The following FAM227A variants were observed in gnomAD, a reference collection of about 807,000 sequenced individuals.
The protein encoded by FAM227A is protein FAM227A.
In FAM227A, 80 loss-of-function variants were observed where a neutral mutation model predicts 74.7. The observed-to-expected ratio is 1.07, with a 90% confidence interval of 0.89 to 1.29. The LOEUF (loss-of-function observed/expected upper bound fraction) is 1.29. FAM227A is among the 50% of genes most tolerant of loss of function. The pLI is 0.00. For synonymous variants in FAM227A, 237 were observed against 241.8 expected (o/e 0.98, Z 0.19); for missense variants, 654 against 683.4 (o/e 0.96, Z 0.48).
intron 3 of FAM227A, 61 bp downstream of exon 3, chr22:38,645,502 A>T: frequency 8.9e-7 from 1 of 1,122,194 alleles, no homozygotes; most frequent in Non-Finnish European, 1.3e-6. Flanking sequence ...CAACACCTTG[A>T]TGATCCCCGG....
intron 15 of FAM227A, among the ~76,000 whole-genome samples, chr22:38,595,030 G>A (rs1206261862): frequency 2.0e-5 from 3 of 152,138 alleles, no homozygotes; most frequent in Admixed American, 6.6e-5. Flanking sequence ...CCTGGGGGAC[G>A]GAGGTTGCAG....
intron 7 of FAM227A, 149 bp downstream of exon 7, chr22:38,628,685 C>A: frequency 1.5e-6 from 1 of 659,638 alleles, no homozygotes; most frequent in Non-Finnish European, 2.7e-6. Flanking sequence ...GTGGCTGAGG[C>A]ATGGGACGGG....
intron 1 of FAM227A, 93 bp from the exon 2 acceptor site, chr22:38,650,355 A>G: frequency 1.7e-6 from 1 of 598,420 alleles, no homozygotes; most frequent in Non-Finnish European, 2.9e-6. Context: ...ATGGCAAAGC[A>G]CATGTCCCAT....
chr22:38,640,927 G>T (rs190384671), intron 3 of FAM227A, among the ~76,000 whole-genome samples: 3 of 152,032 alleles, frequency 2.0e-5, no homozygotes, highest in South Asian at 2.1e-4. Flanking sequence ...TGCCAGTGGT[G>T]GGGGGGCGGT....
chr22:38,608,768 A>G (rs1012999924), intron 11 of FAM227A, among the ~76,000 whole-genome samples: 25 of 147,716 alleles, frequency 1.7e-4, no homozygotes, highest in African/African-American at 5.8e-4. Context: ...TCCAGCTTTC[A>G]TAAGATAAAA....
At position 38,582,972 on chromosome 22, in the gene FAM227A, G is replaced by A; in HGVS notation, c.*3153C>T. On this transcript the variant is annotated 3_prime_UTR_variant, in exon 17 of 17. Transcript: ENST00000535113. The stretch of plus-strand genomic sequence containing the variant: ...GGCAGTTAACAAAGAGGAGGGAGGA[G>A]AAGGCATTTTCAGGTCCAGAAGCAG... 2 of 1,545,630 alleles carry A rather than the reference G, an allele frequency of 1.3e-6. No individual in the cohort carries two copies. Among genetic ancestry groups the A allele is most frequent in the Non-Finnish European group, 1.8e-6 (2 of 1,142,778 alleles).
rs528443744 is a variant in FAM227A, at chr22:38,595,869, T to C, written c.1532+1335A>G. On this transcript the variant is annotated intron_variant, in intron 15 of 16. Transcript: ENST00000535113. ...TCCAGTGTACAGAAAACATAGGCTA[T>C]ATTGGAACAAATTCAATGCTACTTT... Among the ~76,000 whole-genome samples, 13 of 151,626 alleles carry C rather than the reference T, an allele frequency of 8.6e-5. 1 individual carries two copies. In the South Asian group the frequency reaches 2.7e-3, roughly 32 times the overall value.
At chr22:38,621,816 C>T (rs897298117) in intron 10 of FAM227A, among the ~76,000 whole-genome samples, 6 of 152,112 alleles carry the variant, frequency 3.9e-5, no homozygotes, top group African/African-American at 1.4e-4. Context: ...TGCTGCAGGT[C>T]CTTGGACCAA....
At chr22:38,646,244 ATTTCTTTTTTTTT>A (rs2092233322) in intron 2 of FAM227A, among the ~76,000 whole-genome samples, 1 of 89,694 alleles carries the variant, frequency 1.1e-5, no homozygotes, top group East Asian at 3.4e-4. Context: ...TCCTTCCAGT[ATTTCTTTTTTTTT>A]TTTTTTTTTT....
At position 38,605,906 on chromosome 22, in the gene FAM227A, G is replaced by A. The variant is rs561111927; in HGVS notation, c.1127-558C>T. On this transcript the variant is annotated intron_variant, in intron 12 of 16. Coordinates refer to ENST00000535113, the MANE Select transcript of FAM227A (RefSeq NM_001013647.2). ...ATTTCTCCCTCAAAAAAATAATAAA[G>A]TTTAAATAACAATAATGATGTGAAA... 2.7e-3 allele frequency among the ~76,000 whole-genome samples: 406 copies of A among 152,146 alleles called. 2 individuals are homozygous for A. The highest frequency in any genetic ancestry group is 9.5e-3 in the African/African-American group (392 of 41,478).
chr22:38,599,426 G>A (rs1206542744), intron 14 of FAM227A, among the ~76,000 whole-genome samples: 1 of 152,122 alleles, frequency 6.6e-6, no homozygotes, highest in Non-Finnish European at 1.5e-5. Context: ...ACATACTCTG[G>A]GGTCAACGAG....
At chr22:38,591,246 C>T in intron 16 of FAM227A, 189 bp downstream of exon 16, 5 of 1,157,290 alleles carry the variant, frequency 4.3e-6, no homozygotes, top group Non-Finnish European at 5.6e-6. Flanking sequence ...ATTGCTTGAG[C>T]CCAGGAGGTG....
chr22:38,610,185 A>C (rs1249737200), intron 11 of FAM227A, among the ~76,000 whole-genome samples: 1 of 151,490 alleles, frequency 6.6e-6, no homozygotes, highest in Non-Finnish European at 1.5e-5. Flanking sequence ...GGCTAATTTA[A>C]AAAAAAATTT....
rs35393303 is a variant in FAM227A at position 38,608,793 on chromosome 22, CTTTTT to C, written c.1039-1322_1039-1318del. On this transcript the variant is annotated intron_variant, in intron 11 of 16. Transcript: ENST00000535113. ...ATAAGATAAAATAAGACCCTTGTTC[CTTTTT>C]TTTTTTTTTTTTTTTTGAGATGGAG... 3.9e-3 allele frequency among the ~76,000 whole-genome samples: 379 copies of C among 97,056 alleles called. 2 individuals are homozygous for C. Among genetic ancestry groups the C allele is most frequent in the African/African-American group, 0.018 (365 of 20,482 alleles). The allele number at this position is 97,056 out of a possible 152,430, so 63.7% of individuals were successfully genotyped here.
At chr22:38,644,314 AAAAAG>A (rs1279175799) in intron 3 of FAM227A, among the ~76,000 whole-genome samples, 3 of 150,806 alleles carry the variant, frequency 2.0e-5, no homozygotes, top group African/African-American at 7.3e-5. Context: ...GTTAGGGAGT[AAAAAG>A]AGGTGAACAG....
chr22:38,644,600 C>G (rs1373835462), intron 3 of FAM227A, among the ~76,000 whole-genome samples: 1 of 149,058 alleles, frequency 6.7e-6, no homozygotes, highest in Non-Finnish European at 1.5e-5. Context: ...ATGTACAACA[C>G]CAAGAATCCT....
In FAM227A at chr22:38,585,941, C is replaced by T; in HGVS notation, c.*184G>A. The T allele has an allele frequency of 7.2e-7, 1 of 1,389,058 alleles. No individual in the cohort carries two copies. The highest frequency in any genetic ancestry group is 9.6e-7 in the Non-Finnish European group (1 of 1,040,950). 86.0% of individuals were successfully genotyped at this position (1,389,058 alleles called of 1,614,324 possible). A position where few individuals can be genotyped will look rare whatever the true frequency, so the allele number is the denominator to read the frequency against. ...ATAAATGTAGTGACCCAAGCACCAA[C>T]TCTCTACTCCTGCTTTTCACTCAGC... On this transcript the variant is annotated 3_prime_UTR_variant, in exon 17 of 17. Coordinates refer to ENST00000535113, the MANE Select transcript of FAM227A (RefSeq NM_001013647.2).
intron 15 of FAM227A, among the ~76,000 whole-genome samples, chr22:38,593,653 T>C (rs2090986173): frequency 6.6e-6 from 1 of 152,082 alleles, no homozygotes; most frequent in Admixed American, 6.6e-5. Flanking sequence ...ACATGTTCAA[T>C]CTCTCCCCCT....
intron 10 of FAM227A, among the ~76,000 whole-genome samples, chr22:38,621,462 A>T (rs2091689695): frequency 6.6e-6 from 1 of 151,464 alleles, no homozygotes; most frequent in Admixed American, 6.6e-5. Flanking sequence ...GGAAATGGAA[A>T]TGCTTAGAGA....
Sources: gnomAD v4.1 joint callset for allele counts (sites outside exome capture counted in the v4.1 genomes callset) on GRCh38, gnomAD v4.1.1 for gene constraint, MANE v1.5 for transcripts, NCBI Gene and HGNC (gene_info 2026-07-23, HGNC 2026-07-21) for gene names.